The following TRERF1 variants were observed in gnomAD, a reference collection of about 807,000 sequenced individuals.
The protein encoded by TRERF1 is transcriptional-regulating factor 1.
Under a neutral mutation model 122.9 loss-of-function variants are expected in TRERF1, and 27 were observed. The ratio of observed to expected loss-of-function variants is 0.22; its 90% CI spans 0.16 to 0.30. The LOEUF (loss-of-function observed/expected upper bound fraction) is 0.30. Ranked by LOEUF, TRERF1 falls within the 10% of genes least tolerant of loss-of-function variation. The pLI is 1.00. For synonymous variants in TRERF1, 636 were observed against 641.7 expected (o/e 0.99, Z 0.13); for missense variants, 1,248 against 1,560.3 (o/e 0.80, Z 3.37).
chr6:42,374,801 A>G (rs536424543), intron 2 of TRERF1, among the ~76,000 whole-genome samples: 2 of 152,190 alleles, frequency 1.3e-5, no homozygotes, highest in Admixed American at 6.5e-5. Context: ...TGAGCTAAGG[A>G]GTTCGAGGCC....
chr6:42,387,873 T>A (rs1272192529), intron 2 of TRERF1, among the ~76,000 whole-genome samples: 1 of 152,102 alleles, frequency 6.6e-6, no homozygotes, highest in Non-Finnish European at 1.5e-5. Context: ...AGTGGCACAA[T>A]CTCAGTTCAC....
At chr6:42,238,453 A>T (rs1772782858) in intron 15 of TRERF1, among the ~76,000 whole-genome samples, 1 of 152,252 alleles carries the variant, frequency 6.6e-6, no homozygotes, top group Non-Finnish European at 1.5e-5. Flanking sequence ...GGCTCACCAA[A>T]GTGACTAAGA....
intron 3 of TRERF1, among the ~76,000 whole-genome samples, chr6:42,346,255 G>A (rs1162768432): frequency 2.0e-5 from 3 of 152,314 alleles, no homozygotes; most frequent in South Asian, 2.1e-4. Flanking sequence ...AGCCACTACC[G>A]ATTCCCCTGC....
In TRERF1 at chr6:42,256,835, T is replaced by C. The variant is rs780551977; in HGVS notation, c.2477-4A>G. ...CACAAATTCAGAAGATTCTCCACTG[T>C]TGGGAATAAGGAGAAGCCAATGCAT... is the stretch of plus-strand genomic sequence containing the variant. On this transcript the variant is annotated splice_region_variant and splice_polypyrimidine_tract_variant and intron_variant, in intron 11 of 17. Transcript: ENST00000372922. The C allele has an allele frequency of 6.2e-7, 1 of 1,614,186 alleles. No individual in the cohort carries two copies.
intron 4 of TRERF1, among the ~76,000 whole-genome samples, chr6:42,294,921 T>C (rs1318884713): frequency 1.3e-5 from 2 of 151,778 alleles, no homozygotes; most frequent in African/African-American, 4.8e-5. Flanking sequence ...CAACCTTGGC[T>C]CACGGCTCTG....
chr6:42,255,785 T>C (rs1375083828), intron 12 of TRERF1, among the ~76,000 whole-genome samples: 2 of 152,262 alleles, frequency 1.3e-5, no homozygotes, highest in Middle Eastern at 3.4e-3. Context: ...TATACTACCA[T>C]GTATTTATAT....
chr6:42,343,232 C>A (rs543236433), intron 3 of TRERF1, among the ~76,000 whole-genome samples: 1 of 152,176 alleles, frequency 6.6e-6, no homozygotes, highest in African/African-American at 2.4e-5. Context: ...GCCAATTTCC[C>A]AGTTACAAAC....
Position 42,438,757 on chromosome 6 carries a change from T to C in TRERF1, c.-454+12420A>G, listed in dbSNP as rs73735631. On this transcript the variant is annotated intron_variant, in intron 2 of 17. Transcript: ENST00000372922. Reference sequence around the variant, plus strand: ...TTTTTAAATTTAAGCCCCAAAAGTGTCCTCACAGAAGGAGCAGGTACGAGT... The same window carrying C: ...TTTTTAAATTTAAGCCCCAAAAGTGCCCTCACAGAAGGAGCAGGTACGAGT... 1.7e-3 allele frequency among the ~76,000 whole-genome samples: 261 copies of C among 152,314 alleles called. 2 individuals are homozygous for C. Among genetic ancestry groups the C allele is most frequent in the African/African-American group, 6.0e-3 (250 of 41,556 alleles).
At chr6:42,385,759 C>G (rs1776698039) in intron 2 of TRERF1, among the ~76,000 whole-genome samples, 1 of 152,192 alleles carries the variant, frequency 6.6e-6, no homozygotes, top group Admixed American at 6.5e-5. Context: ...ATATTTTAAG[C>G]TGTAAATCAG....
intron 3 of TRERF1, among the ~76,000 whole-genome samples, chr6:42,321,297 C>A (rs1287934255): frequency 1.3e-5 from 2 of 151,754 alleles, no homozygotes; most frequent in Non-Finnish European, 2.9e-5. Flanking sequence ...TAGAGGAAAT[C>A]TCAGGTGACA....
chr6:42,432,479 A>T (rs1305984046), intron 2 of TRERF1, among the ~76,000 whole-genome samples: 1 of 152,234 alleles, frequency 6.6e-6, no homozygotes, highest in Non-Finnish European at 1.5e-5. Context: ...TGACCTAAGT[A>T]TCTGACAATT....
intron 14 of TRERF1, among the ~76,000 whole-genome samples, chr6:42,246,136 T>C (rs1231985675): frequency 1.3e-5 from 2 of 152,056 alleles, no homozygotes; most frequent in Non-Finnish European, 2.9e-5. Flanking sequence ...ATAAAATAAA[T>C]TATGTAAATT....
intron 3 of TRERF1, among the ~76,000 whole-genome samples, chr6:42,303,318 T>C (rs1243988340): frequency 6.6e-6 from 1 of 152,168 alleles, no homozygotes; most frequent in Non-Finnish European, 1.5e-5. Context: ...ACATAGCTAA[T>C]GCATAATAGC....
At chr6:42,450,626 G>A (rs1400050513) in intron 2 of TRERF1, among the ~76,000 whole-genome samples, 1 of 152,218 alleles carries the variant, frequency 6.6e-6, no homozygotes, top group African/African-American at 2.4e-5. Flanking sequence ...GGCCTCCGCT[G>A]GTGAAGGAGT....
At chr6:42,349,861 A>G (rs1487163421) in intron 3 of TRERF1, among the ~76,000 whole-genome samples, 1 of 152,192 alleles carries the variant, frequency 6.6e-6, no homozygotes, top group African/African-American at 2.4e-5. Flanking sequence ...ATCTTAAAAA[A>G]TTACTCAGGT....
At chr6:42,362,934 G>T (rs1772045511) in intron 3 of TRERF1, 63 bp downstream of exon 3, 1 of 153,782 alleles carries the variant, frequency 6.5e-6, no homozygotes, top group Non-Finnish European at 1.5e-5. Context: ...ATGGGTCCAA[G>T]AAATGGTCTT....
Position 42,275,958 on chromosome 6 carries a change from T to G in TRERF1, c.-258-6110A>C, listed in dbSNP as rs1179720637. On this transcript the variant is annotated intron_variant, in intron 4 of 17. Coordinates refer to ENST00000372922, the Ensembl canonical transcript of TRERF1. This position sits in a 1 kb window ranked among gnomAD's most constrained non-coding sequence, Gnocchi z 4.1. ...AACTTTATTTATGGACGCTGAAACT[T>G]GAATTTTACATAATTTTCACATGCC... Among the ~76,000 whole-genome samples, 1 of 152,268 alleles carries G rather than the reference T, an allele frequency of 6.6e-6. No homozygotes were observed. Among genetic ancestry groups the G allele is most frequent in the Non-Finnish European group, 1.5e-5 (1 of 68,046 alleles).
At chr6:42,266,295 C>A (rs923802981) in intron 5 of TRERF1, among the ~76,000 whole-genome samples, 1 of 150,568 alleles carries the variant, frequency 6.6e-6, no homozygotes, top group Non-Finnish European at 1.5e-5. Context: ...CTTAAGCAAT[C>A]CTCCTGCCTC....
chr6:42,416,892 T>C (rs1346195899), intron 2 of TRERF1, among the ~76,000 whole-genome samples: 3 of 152,196 alleles, frequency 2.0e-5, no homozygotes, highest in Non-Finnish European at 2.9e-5. Flanking sequence ...TGTCTGGGTT[T>C]TTTGTGTGTG....
Sources: gnomAD v4.1 joint callset for allele counts (sites outside exome capture counted in the v4.1 genomes callset) on GRCh38, gnomAD v4.1.1 for gene constraint, Gnocchi (gnomAD v3.1) non-coding constraint, MANE v1.5 for transcripts, NCBI Gene and HGNC (gene_info 2026-07-23, HGNC 2026-07-21) for gene names.